Variants in CYP19A1 observed in about 807,000 individuals in gnomAD.
CYP19A1 encodes aromatase.
In CYP19A1, 32 loss-of-function variants were observed where a neutral mutation model predicts 44.4. That is an observed-to-expected ratio of 0.72 (90% CI 0.54 to 0.97). The LOEUF (loss-of-function observed/expected upper bound fraction) is 0.97. CYP19A1 is among the 50% of genes least tolerant of loss of function. CYP19A1 has a pLI of 0.00. For missense variants in CYP19A1, 598 were observed against 637.8 expected, an observed-to-expected ratio of 0.94 and a Z score of 0.67; for synonymous variants, 212 against 215.6, an observed-to-expected ratio of 0.98 and a Z score of 0.14.
chr15:51,263,329 G>A (rs1030640793), intron 1 of CYP19A1, among the ~76,000 whole-genome samples: 3 of 152,136 alleles, frequency 2.0e-5, no homozygotes, highest in African/African-American at 4.8e-5. Flanking sequence ...TGGTGACCAC[G>A]ACAAGAGCAG....
intron 2 of CYP19A1, among the ~76,000 whole-genome samples, chr15:51,241,694 T>TC (rs1424867061): frequency 6.6e-6 from 1 of 152,144 alleles, no homozygotes; most frequent in East Asian, 1.9e-4. Flanking sequence ...GCTCTGAGCC[T>TC]CCCTTCTCTA....
At chr15:51,292,158 AC>A (rs1029546780) in intron 1 of CYP19A1, among the ~76,000 whole-genome samples, 10 of 152,192 alleles carry the variant, frequency 6.6e-5, no homozygotes, top group African/African-American at 1.9e-4. Context: ...TCTCCTTTGG[AC>A]CACCCTAGCA....
intron 1 of CYP19A1, among the ~76,000 whole-genome samples, chr15:51,304,337 A>G (rs1217714514): frequency 1.3e-5 from 2 of 152,126 alleles, no homozygotes; most frequent in African/African-American, 4.8e-5. Flanking sequence ...ATCTCTTTTT[A>G]GCCCTTAGCT....
At chr15:51,242,659 G>T (rs1339612751) in intron 2 of CYP19A1, 109 bp downstream of exon 2, 2 of 724,658 alleles carry the variant, frequency 2.8e-6, no homozygotes, top group Non-Finnish European at 5.0e-6. Context: ...AGTCTTCAGA[G>T]ATCTTTCCAG....
chr15:51,264,630 C>T (rs2034851277), intron 1 of CYP19A1, among the ~76,000 whole-genome samples: 1 of 151,990 alleles, frequency 6.6e-6, no homozygotes, highest in Non-Finnish European at 1.5e-5. Context: ...AGGGGCCAGC[C>T]CCAATATAGT....
At chr15:51,303,563 T>G (rs2141004035) in intron 1 of CYP19A1, among the ~76,000 whole-genome samples, 1 of 152,198 alleles carries the variant, frequency 6.6e-6, no homozygotes, top group East Asian at 1.9e-4. Flanking sequence ...GTTTTTTTTT[T>G]TTAGGCAGAG....
In CYP19A1 at chr15:51,211,022, C is replaced by T. The variant is rs1465274838; in HGVS notation, c.1298G>A (p.Gly433Glu). The T allele has an allele frequency of 3.1e-6, 5 of 1,590,494 alleles. No homozygotes were observed. The highest frequency in any genetic ancestry group is 1.7e-5 in the Admixed American group (1 of 59,942). The change falls in exon 10 of 10, where the codon GGG becomes GAG. Residue 433 changes from glycine (G) to glutamate (E), a missense_variant. Physicochemically the swap from Gly to Glu is moderately conservative, Grantham distance 98. Coordinates refer to ENST00000396402, the MANE Select transcript of CYP19A1 (RefSeq NM_000103.4). Reference sequence around the variant, plus strand: ...GTACTTTCCTGCACAGCCACGGGGCCCAAAGCCAAATGGCTGAAAGTACCT... The same window carrying T: ...GTACTTTCCTGCACAGCCACGGGGCTCAAAGCCAAATGGCTGAAAGTACCT... The part of the protein sequence containing the change: ...PYRYFQPFGF[G>E]PRGCAGKYIA...
chr15:51,237,970 G>A (rs726547), intron 2 of CYP19A1, among the ~76,000 whole-genome samples: 23,796 of 152,086 alleles, frequency 0.16, 3,378 homozygotes, highest in African/African-American at 0.36. Flanking sequence ...GCCTAACTAC[G>A]TGAAACAGCA....
chr15:51,211,080 G>T, intron 9 of CYP19A1, 24 bp from the exon 10 acceptor site: 1 of 1,518,428 alleles, frequency 6.6e-7, no homozygotes, highest in Non-Finnish European at 9.1e-7. Flanking sequence ...CAGACAGTTA[G>T]CCAGAATATT....
intron 9 of CYP19A1, chr15:51,211,741 T>C (rs1282178853): frequency 1.2e-5 from 5 of 410,630 alleles, no homozygotes; most frequent in Middle Eastern, 3.5e-4. Context: ...TTGAAAAACA[T>C]ATTGCCTAAA....
At chr15:51,257,695 T>C (rs35133507) in intron 1 of CYP19A1, among the ~76,000 whole-genome samples, 40 of 152,326 alleles carry the variant, frequency 2.6e-4, no homozygotes, top group African/African-American at 9.1e-4. Context: ...TTGCAATGCT[T>C]TCCTCCAAAT....
At position 51,262,500 on chromosome 15, in the gene CYP19A1, A is replaced by G. The variant is rs547996079; in HGVS notation, c.-38-19550T>C. 3.9e-5 allele frequency among the ~76,000 whole-genome samples: 6 copies of G among 152,176 alleles called. No homozygotes were observed. The East Asian group carries it at 1.2e-3, about 29-fold the overall frequency. On this transcript the variant is annotated intron_variant, in intron 1 of 9. Transcript: ENST00000396402. ...AGCCCTCTCTTGAAACAGAATCACAACAAATAACCCTGCCCCTATTCTCTC... is the reference window on the plus strand; with the variant it reads ...AGCCCTCTCTTGAAACAGAATCACAGCAAATAACCCTGCCCCTATTCTCTC...
In CYP19A1 at chr15:51,239,015, T is replaced by G. The variant is rs147550619; in HGVS notation, c.146-2006A>C. Among the ~76,000 whole-genome samples, 51 of 151,994 alleles carry G rather than the reference T, an allele frequency of 3.4e-4. No homozygotes were observed. In the East Asian group the frequency reaches 8.3e-3, roughly 25 times the overall value. On this transcript the variant is annotated intron_variant, in intron 2 of 9. Transcript: ENST00000396402. ...TGTGACCTTTTCATTTACGTGTATA[T>G]CTTAGGCCTTCTACCCACCCTCCAG...
intron 3 of CYP19A1, among the ~76,000 whole-genome samples, chr15:51,235,551 A>T (rs2033337759): frequency 6.6e-6 from 1 of 152,242 alleles, no homozygotes; most frequent in Non-Finnish European, 1.5e-5. Context: ...GCTACAACAC[A>T]AAACTGAATG....
chr15:51,212,237 G>C, intron 9 of CYP19A1, 83 bp downstream of exon 9: 1 of 957,784 alleles, frequency 1.0e-6, no homozygotes, highest in Non-Finnish European at 1.7e-6. Context: ...AAGTATTTAT[G>C]GTGCAAACAC....
At chr15:51,278,257 G>C (rs921741361) in intron 1 of CYP19A1, 1 of 152,104 alleles carries the variant, frequency 6.6e-6, no homozygotes, top group African/African-American at 2.4e-5. Context: ...TGAATGTTTG[G>C]CTTTTGTAAT....
At chr15:51,282,639 G>A (rs1355510407) in intron 1 of CYP19A1, among the ~76,000 whole-genome samples, 1 of 152,144 alleles carries the variant, frequency 6.6e-6, no homozygotes, top group Non-Finnish European at 1.5e-5. Context: ...CTTTGACTCT[G>A]CCAGACTTCG....
At chr15:51,234,464 T>C (rs1176568794) in intron 3 of CYP19A1, among the ~76,000 whole-genome samples, 1 of 152,120 alleles carries the variant, frequency 6.6e-6, no homozygotes, top group Non-Finnish European at 1.5e-5. Context: ...ACCCCCACTG[T>C]AACGAGCAAG....
intron 1 of CYP19A1, among the ~76,000 whole-genome samples, chr15:51,281,337 G>A (rs1036953266): frequency 3.3e-5 from 5 of 152,160 alleles, no homozygotes; most frequent in Non-Finnish European, 7.3e-5. Flanking sequence ...CAGATGTTTG[G>A]GTCACTCTCT....
Sources: allele counts gnomAD v4.1 joint callset (sites outside exome capture counted in the v4.1 genomes callset), GRCh38; gene constraint gnomAD v4.1.1; transcripts MANE v1.5; gene names NCBI Gene and HGNC (gene_info 2026-07-23, HGNC 2026-07-21).